Variants in STXBP5L observed in about 807,000 individuals in gnomAD.
STXBP5L encodes syntaxin-binding protein 5-like.
Under a neutral mutation model 144.5 loss-of-function variants are expected in STXBP5L, and 65 were observed. The observed-to-expected ratio is 0.45, with a 90% CI of 0.37 to 0.55. The LOEUF (loss-of-function observed/expected upper bound fraction) is 0.55. Ranked by LOEUF, STXBP5L falls within the 20% of genes least tolerant of loss-of-function variation. STXBP5L has a pLI of 0.00. For missense variants in STXBP5L, 1,298 were observed against 1,405.5 expected (o/e 0.92, Z 1.22); for synonymous variants, 505 against 469.6 (o/e 1.08, Z -0.97).
chr3:121,225,119 T>C (rs2049081065), intron 11 of STXBP5L, among the ~76,000 whole-genome samples: 2 of 152,112 alleles, frequency 1.3e-5, no homozygotes, highest in Non-Finnish European at 2.9e-5. Flanking sequence ...TTAACTCTAT[T>C]GACAGTGCCG....
chr3:121,381,650 G>A, intron 22 of STXBP5L, 118 bp downstream of exon 22: 1 of 1,329,188 alleles, frequency 7.5e-7, no homozygotes, highest in Non-Finnish European at 1.0e-6. Context: ...CTGCACAATG[G>A]GAACTATTAA....
intron 12 of STXBP5L, among the ~76,000 whole-genome samples, chr3:121,237,294 G>C (rs991160223): frequency 6.6e-6 from 1 of 152,138 alleles, no homozygotes; most frequent in African/African-American, 2.4e-5. Context: ...GCTATGGCTT[G>C]TGCCCTCTGG....
intron 5 of STXBP5L, among the ~76,000 whole-genome samples, chr3:121,060,185 G>T (rs994036274): frequency 2.0e-5 from 3 of 151,976 alleles, no homozygotes; most frequent in Admixed American, 6.6e-5. Flanking sequence ...GCATGAAATG[G>T]TGTTGAATTT....
chr3:121,372,248 G>C (rs952554067), intron 20 of STXBP5L, among the ~76,000 whole-genome samples: 3 of 152,138 alleles, frequency 2.0e-5, no homozygotes, highest in Non-Finnish European at 4.4e-5. Context: ...AGAAGACTGA[G>C]GGGTGCTTAG....
At chr3:121,078,244 A>C (rs557428393) in intron 5 of STXBP5L, among the ~76,000 whole-genome samples, 9 of 151,792 alleles carry the variant, frequency 5.9e-5, no homozygotes, top group Non-Finnish European at 1.2e-4. Context: ...GTGTATTTAC[A>C]ATCCCCTAGC....
At chr3:120,979,172 G>C (rs1941456932) in intron 3 of STXBP5L, among the ~76,000 whole-genome samples, 1 of 152,234 alleles carries the variant, frequency 6.6e-6, no homozygotes, top group African/African-American at 2.4e-5. Context: ...GAGGCAGGCA[G>C]GCCTCCTTGA....
At chr3:121,394,317 T>C (rs900140775) in intron 22 of STXBP5L, among the ~76,000 whole-genome samples, 1 of 152,164 alleles carries the variant, frequency 6.6e-6, no homozygotes, top group Non-Finnish European at 1.5e-5. Flanking sequence ...AGGAGTCTTT[T>C]GAAGGAGTCT....
intron 2 of STXBP5L, among the ~76,000 whole-genome samples, chr3:120,942,458 T>A (rs1411425196): frequency 6.6e-6 from 1 of 151,570 alleles, no homozygotes; most frequent in African/African-American, 2.4e-5. Context: ...TTTGTCTTTC[T>A]AACCACTTTA....
chr3:120,996,318 T>C (rs1405513624), intron 3 of STXBP5L, among the ~76,000 whole-genome samples: 1 of 151,982 alleles, frequency 6.6e-6, no homozygotes, highest in Non-Finnish European at 1.5e-5. Context: ...TTTTTAGTGA[T>C]AGTTATTTTT....
chr3:120,978,580 G>A (rs888030976), intron 3 of STXBP5L, among the ~76,000 whole-genome samples: 1 of 152,198 alleles, frequency 6.6e-6, no homozygotes, highest in Non-Finnish European at 1.5e-5. Context: ...TTGTTCTGTT[G>A]CTGGTGAGGA....
chr3:120,913,197 G>C (rs1708936153), intron 2 of STXBP5L, among the ~76,000 whole-genome samples: 1 of 151,964 alleles, frequency 6.6e-6, no homozygotes, highest in Non-Finnish European at 1.5e-5. Flanking sequence ...GTTATACTAT[G>C]AACTCTTTGA....
chr3:121,243,001 G>A (rs575364817), intron 14 of STXBP5L, among the ~76,000 whole-genome samples: 4 of 152,212 alleles, frequency 2.6e-5, no homozygotes, highest in Non-Finnish European at 4.4e-5. Flanking sequence ...AAAGCAGGGC[G>A]TTTCAGCCAC....
At chr3:121,070,381 A>G (rs2041754148) in intron 5 of STXBP5L, among the ~76,000 whole-genome samples, 1 of 152,206 alleles carries the variant, frequency 6.6e-6, no homozygotes, top group Admixed American at 6.5e-5. Context: ...TGGAGTATAG[A>G]TAAGGTTCAC....
intron 3 of STXBP5L, among the ~76,000 whole-genome samples, chr3:121,015,861 G>C (rs921361155): frequency 6.6e-6 from 1 of 152,152 alleles, no homozygotes; most frequent in Admixed American, 6.5e-5. Context: ...AGAAACACTT[G>C]TGAATGTCAC....
chr3:120,986,492 G>C (rs1942298228), intron 3 of STXBP5L, among the ~76,000 whole-genome samples: 1 of 151,912 alleles, frequency 6.6e-6, no homozygotes, highest in African/African-American at 2.4e-5. Flanking sequence ...TCATAGAACT[G>C]TCTACTTCCT....
intron 5 of STXBP5L, among the ~76,000 whole-genome samples, chr3:121,047,756 G>A (rs1009864955): frequency 6.6e-6 from 1 of 151,950 alleles, no homozygotes; most frequent in African/African-American, 2.4e-5. Flanking sequence ...ATGTGAGATG[G>A]GTCTCTTGAA....
At chr3:121,098,181 T>C (rs2043227250) in intron 5 of STXBP5L, among the ~76,000 whole-genome samples, 1 of 151,930 alleles carries the variant, frequency 6.6e-6, no homozygotes, top group Admixed American at 6.6e-5. Context: ...GTGGAGATTG[T>C]TTGATGACTG....
intron 2 of STXBP5L, among the ~76,000 whole-genome samples, chr3:120,938,893 A>T (rs534352054): frequency 5.9e-5 from 9 of 152,140 alleles, no homozygotes; most frequent in African/African-American, 2.2e-4. Flanking sequence ...GGATCCTCCC[A>T]CCTCATCCTT....
chr3:121,241,200 T>C (rs1261707756), intron 14 of STXBP5L, among the ~76,000 whole-genome samples: 2 of 152,006 alleles, frequency 1.3e-5, no homozygotes, highest in African/African-American at 2.4e-5. Flanking sequence ...GCCTCATATA[T>C]CCCAGAATTA....
Sources: gnomAD v4.1 joint callset for allele counts (sites outside exome capture counted in the v4.1 genomes callset) on GRCh38, gnomAD v4.1.1 for gene constraint, MANE v1.5 for transcripts, NCBI Gene and HGNC (gene_info 2026-07-23, HGNC 2026-07-21) for gene names.